SDC2: variants seen among roughly 807,000 people sequenced by gnomAD.
The protein encoded by SDC2 is syndecan 2, also known as syndecan-2.
SDC2 carries 13 observed loss-of-function variants against 22.2 expected under a neutral mutation model. The observed-to-expected ratio is 0.59, with a 90% CI of 0.38 to 0.93. SDC2 has a LOEUF of 0.93. Among genes scored for constraint, SDC2 ranks in the 40% least tolerant of loss-of-function variants. The probability of loss-of-function intolerance (pLI) is 0.00; values close to 1 mark genes in which losing one functional copy is unlikely to be tolerated. For synonymous variants in SDC2, 94 were observed against 92.8 expected (o/e 1.01, Z -0.07); for missense variants, 235 against 246.8 (o/e 0.95, Z 0.32).
chr8:96,608,413 A>G lies in SDC2; in HGVS notation c.385A>G (p.Asn129Asp). 6.2e-7 allele frequency: 1 copy of G among 1,613,828 alleles called. No homozygotes were observed. Among genetic ancestry groups the G allele is most frequent in the Non-Finnish European group, 8.5e-7 (1 of 1,179,736 alleles). Residue 129 changes from asparagine to aspartate, a missense_variant, in exon 4 of 5, where the codon AAT becomes GAT. Physicochemically the swap from Asn to Asp is conservative, Grantham distance 23 (BLOSUM62 1). Transcript: ENST00000302190. ...RKMDPAEEDT[N>D]VYTEKHSDSL... ...AATGGACCCAGCCGAAGAGGATACA[A>G]ATGTGTATACTGAGAAACACTCAGA...
At chr8:96,548,049 C>CGTGG (rs1194170495) in intron 1 of SDC2, among the ~76,000 whole-genome samples, 1 of 152,206 alleles carries the variant, frequency 6.6e-6, no homozygotes, top group Non-Finnish European at 1.5e-5. Flanking sequence ...AGGCGTGAGC[C>CGTGG]ACCACGCCAA....
intron 1 of SDC2, among the ~76,000 whole-genome samples, chr8:96,560,496 A>G (rs1399464188): frequency 6.6e-6 from 1 of 152,200 alleles, no homozygotes; most frequent in Non-Finnish European, 1.5e-5. Context: ...CTTTTAAAAT[A>G]GTTGGTGGAA....
intron 1 of SDC2, among the ~76,000 whole-genome samples, chr8:96,568,825 G>T (rs1394298581): frequency 6.6e-6 from 1 of 152,176 alleles, no homozygotes; most frequent in African/African-American, 2.4e-5. Context: ...AGGGAAACAG[G>T]TAAATGGGGA....
intron 2 of SDC2, among the ~76,000 whole-genome samples, chr8:96,601,979 C>T (rs151170803): frequency 5.3e-5 from 8 of 152,078 alleles, no homozygotes; most frequent in South Asian, 2.1e-4. Context: ...AGGCTGGTCT[C>T]GATCTCCTGA....
chr8:96,496,077 C>T (rs1017762170), intron 1 of SDC2, among the ~76,000 whole-genome samples: 3 of 152,032 alleles, frequency 2.0e-5, no homozygotes, highest in Non-Finnish European at 4.4e-5. Flanking sequence ...AAGAGCCTGC[C>T]TAAAAAACTG....
chr8:96,599,341 T>C (rs1814937350), intron 2 of SDC2, among the ~76,000 whole-genome samples: 1 of 152,138 alleles, frequency 6.6e-6, no homozygotes, highest in Non-Finnish European at 1.5e-5. Context: ...ATGACTCATA[T>C]TGGTAACTCT....
chr8:96,572,868 C>G (rs371906432), intron 1 of SDC2, among the ~76,000 whole-genome samples: 1 of 152,218 alleles, frequency 6.6e-6, no homozygotes, highest in African/African-American at 2.4e-5. Context: ...TAGCTTTAGA[C>G]TTAGCTGCAG....
intron 1 of SDC2, among the ~76,000 whole-genome samples, chr8:96,496,148 G>A (rs1421587856): frequency 1.3e-5 from 2 of 152,142 alleles, no homozygotes; most frequent in East Asian, 1.9e-4. Context: ...GCTAGGAAAT[G>A]TTACTGTTTT....
At chr8:96,534,903 T>G (rs1034762991) in intron 1 of SDC2, among the ~76,000 whole-genome samples, 17 of 152,248 alleles carry the variant, frequency 1.1e-4, no homozygotes, top group Admixed American at 7.9e-4. Context: ...TGTTCTTGCT[T>G]TCTCACTGAT....
chr8:96,571,476 T>C (rs192838255), intron 1 of SDC2, among the ~76,000 whole-genome samples: 7 of 152,324 alleles, frequency 4.6e-5, no homozygotes, highest in African/African-American at 1.7e-4. Flanking sequence ...AAAACTCAAA[T>C]TTCCATACAG....
At chr8:96,581,488 G>T (rs1443317432) in intron 1 of SDC2, among the ~76,000 whole-genome samples, 1 of 152,186 alleles carries the variant, frequency 6.6e-6, no homozygotes, top group African/African-American at 2.4e-5. Context: ...AAATTAGCTG[G>T]GCATAGAGTT....
chr8:96,502,850 C>A (rs960373488), intron 1 of SDC2, among the ~76,000 whole-genome samples: 16 of 152,120 alleles, frequency 1.1e-4, no homozygotes, highest in Non-Finnish European at 1.9e-4. Context: ...AATGTCCATG[C>A]GTTGTGTCAC....
At chr8:96,596,162 C>T (rs967008817) in intron 2 of SDC2, among the ~76,000 whole-genome samples, 1 of 152,190 alleles carries the variant, frequency 6.6e-6, no homozygotes, top group Non-Finnish European at 1.5e-5. Flanking sequence ...CCTCAGGTCA[C>T]ACTATTAGAA....
intron 1 of SDC2, among the ~76,000 whole-genome samples, chr8:96,542,552 G>T (rs985579081): frequency 3.3e-5 from 5 of 152,010 alleles, no homozygotes; most frequent in Non-Finnish European, 7.4e-5. Flanking sequence ...TTTTCCAGTG[G>T]TCTCAAAGAA....
chr8:96,554,507 T>C (rs936041094), intron 1 of SDC2, among the ~76,000 whole-genome samples: 2 of 152,212 alleles, frequency 1.3e-5, no homozygotes, highest in African/African-American at 2.4e-5. Context: ...TCTAATCTTA[T>C]AATGCTGTTA....
rs967442919 is a variant in SDC2 at position 96,601,708 on chromosome 8, A to G, written c.173-687A>G. On this transcript the variant is annotated intron_variant, in intron 2 of 4. Coordinates refer to ENST00000302190, the MANE Select transcript of SDC2 (RefSeq NM_002998.4). Reference sequence around the variant, plus strand: ...AGAGGGCAAGGAACTCACATGAAATAAGGAGTCAGCCATAGGAGAGTTTTC... The same window carrying G: ...AGAGGGCAAGGAACTCACATGAAATGAGGAGTCAGCCATAGGAGAGTTTTC... Among the ~76,000 whole-genome samples the G allele has an allele frequency of 5.7e-4, 87 of 151,854 alleles. 1 individual carries two copies. Among genetic ancestry groups the G allele is most frequent in the African/African-American group, 2.1e-3 (85 of 41,432 alleles).
chr8:96,560,267 A>G (rs1435191438), intron 1 of SDC2, among the ~76,000 whole-genome samples: 5 of 152,190 alleles, frequency 3.3e-5, no homozygotes, highest in Non-Finnish European at 7.3e-5. Context: ...TTATCAGAAG[A>G]TGGTTTCAGC....
At chr8:96,495,929 T>C (rs1045333170) in intron 1 of SDC2, among the ~76,000 whole-genome samples, 4 of 152,208 alleles carry the variant, frequency 2.6e-5, no homozygotes, top group Non-Finnish European at 5.9e-5. Context: ...CCGTTGGTAT[T>C]AGTTATCTCC....
chr8:96,559,114 C>G (rs1458877293), intron 1 of SDC2, among the ~76,000 whole-genome samples: 1 of 152,112 alleles, frequency 6.6e-6, no homozygotes, highest in Non-Finnish European at 1.5e-5. Flanking sequence ...TGCTTGCTCT[C>G]TGGGATCTCC....
Sources: gnomAD v4.1 joint callset for allele counts (sites outside exome capture counted in the v4.1 genomes callset) on GRCh38, gnomAD v4.1.1 for gene constraint, MANE v1.5 for transcripts, NCBI Gene and HGNC (gene_info 2026-07-23, HGNC 2026-07-21) for gene names.